The following AMBN variants were observed in gnomAD, a reference collection of about 807,000 sequenced individuals.
AMBN encodes the protein ameloblastin.
In AMBN, 54 loss-of-function variants were observed where a neutral mutation model predicts 48.0. That is an observed-to-expected ratio of 1.12 (90% CI 0.90 to 1.41). AMBN has a LOEUF of 1.41. Among genes scored for constraint, AMBN ranks in the 40% most tolerant of loss-of-function variants. The pLI is 0.00. For synonymous variants in AMBN, 186 were observed against 190.0 expected (o/e 0.98, Z 0.17); for missense variants, 571 against 547.3 (o/e 1.04, Z -0.43).
intron 1 of AMBN, 110 bp from the exon 2 acceptor site, chr4:70,593,217 C>A: frequency 4.0e-6 from 3 of 748,828 alleles, no homozygotes; most frequent in Middle Eastern, 2.6e-4. Context: ...AACCTTTATC[C>A]CGGTGGTTTT....
Position 70,601,655 on chromosome 4 carries a change from G to A in AMBN, c.531+1G>A, listed in dbSNP as rs1475241932. The A allele has an allele frequency of 1.9e-6, 3 of 1,613,308 alleles. No homozygotes were observed. Among genetic ancestry groups the A allele is most frequent in the South Asian group, 2.2e-5 (2 of 90,988 alleles). On this transcript the variant is annotated splice_donor_variant, in intron 6 of 12. Transcript: ENST00000322937. LOFTEE classifies it high-confidence loss of function. ...ATCAGATAAGCCACCAAAGCCTGAG[G>A]TACTTCCTTTCTCTTGAAGTCAGAT...
intron 2 of AMBN, among the ~76,000 whole-genome samples, chr4:70,596,732 AT>A (rs1737391726): frequency 6.6e-6 from 1 of 152,204 alleles, no homozygotes; most frequent in Non-Finnish European, 1.5e-5. Context: ...TTTAAATCAT[AT>A]TTTGCTTTTA....
At position 70,602,628 on chromosome 4, in the gene AMBN, CAGG is replaced by C. The variant is rs141384720; in HGVS notation, c.539_541del (p.Gly180del). On this transcript the variant is annotated inframe_deletion, in exon 7 of 13. Coordinates refer to ENST00000322937, the MANE Select transcript of AMBN (RefSeq NM_016519.6). ...TAATATTTATCTGTGATATAGCTCC[CAGG>C]AGTAGATTTTGCTGATCCACAAGGT... 107,371 of 1,568,758 alleles carry C rather than the reference CAGG, an allele frequency of 0.068. 4,446 individuals carry two copies. Among genetic ancestry groups the C allele is most frequent in the African/African-American group, 0.14 (10,237 of 73,456 alleles).
At chr4:70,600,540 T>A (rs1447055675) in intron 5 of AMBN, among the ~76,000 whole-genome samples, 1 of 152,146 alleles carries the variant, frequency 6.6e-6, no homozygotes, top group Non-Finnish European at 1.5e-5. Flanking sequence ...AATTGTGACA[T>A]GTGAGTAATG....
chr4:70,596,933 C>T lies in AMBN; in HGVS notation c.85-66C>T, dbSNP rs377158807. ...CCGTATGTACTGGAGCAATATCCTA[C>T]GCCCAATGGGCATTGAAGGAAGTTT... On this transcript the variant is annotated intron_variant, in intron 2 of 12. Coordinates refer to ENST00000322937, the MANE Select transcript of AMBN (RefSeq NM_016519.6). The T allele has an allele frequency of 1.3e-4, 191 of 1,433,138 alleles. 1 individual carries two copies. The highest frequency in any genetic ancestry group is 1.2e-3 in the South Asian group (102 of 83,960). 88.8% of individuals were successfully genotyped at this position (1,433,138 alleles called of 1,614,324 possible).
Position 70,606,738 on chromosome 4 carries a change from A to G in AMBN, c.*8A>G, listed in dbSNP as rs990097986. 5 of 1,601,316 alleles carry G rather than the reference A, an allele frequency of 3.1e-6. No individual in the cohort carries two copies. The African/African-American group carries it at 6.7e-5, about 21-fold the overall frequency. The stretch of plus-strand genomic sequence containing the variant: ...CATTTCCAAGAGCCCTGACAGCTCT[A>G]AGATATTAGCTACTTTCTGTATGCA... On this transcript the variant is annotated 3_prime_UTR_variant, in exon 13 of 13. Coordinates refer to ENST00000322937, the MANE Select transcript of AMBN (RefSeq NM_016519.6).
intron 2 of AMBN, among the ~76,000 whole-genome samples, chr4:70,593,975 C>T (rs1244201753): frequency 6.6e-6 from 1 of 151,674 alleles, no homozygotes; most frequent in Non-Finnish European, 1.5e-5. Flanking sequence ...AAGTTAAAAG[C>T]TTAGATAGTC....
chr4:70,593,702 TA>T (rs1737326499), intron 2 of AMBN, among the ~76,000 whole-genome samples: 2 of 151,972 alleles, frequency 1.3e-5, no homozygotes, highest in Non-Finnish European at 2.9e-5. Context: ...CTGTCTCTAC[TA>T]AAAATACAAA....
chr4:70,594,763 T>C (rs1737352277), intron 2 of AMBN, among the ~76,000 whole-genome samples: 1 of 152,206 alleles, frequency 6.6e-6, no homozygotes, highest in Non-Finnish European at 1.5e-5. Context: ...ACTATCAGTC[T>C]AACACATTGG....
At chr4:70,604,127 C>T (rs1243794451) in intron 12 of AMBN, among the ~76,000 whole-genome samples, 1 of 152,164 alleles carries the variant, frequency 6.6e-6, no homozygotes, top group Non-Finnish European at 1.5e-5. Flanking sequence ...TGGGTGATGA[C>T]TATTCTTGAG....
At position 70,599,580 on chromosome 4, in the gene AMBN, G is replaced by T. The variant is rs145190129; in HGVS notation, c.228G>T (p.Met76Ile). ...GAAAATCATTTAATTCTTTGTGGAT[G>T]CACGGTCTCCTCCCACCACATTCCT... ...GFGKSFNSLW[M>I]HGLLPPHSSL... The change falls in exon 5 of 13, where the codon ATG (methionine) becomes ATT (isoleucine). Residue 76 changes from methionine (M) to isoleucine (I), a missense_variant. Physicochemically the swap from Met to Ile is conservative, Grantham distance 10. Coordinates refer to ENST00000322937, the MANE Select transcript of AMBN (RefSeq NM_016519.6). The T allele has an allele frequency of 5.5e-4, 885 of 1,613,282 alleles. 1 individual carries two copies. The African/African-American group carries it at 0.011, about 19-fold the overall frequency.
At chr4:70,600,553 T>C (rs1737496496) in intron 5 of AMBN, among the ~76,000 whole-genome samples, 1 of 152,152 alleles carries the variant, frequency 6.6e-6, no homozygotes, top group Non-Finnish European at 1.5e-5. Context: ...GAGTAATGAA[T>C]ACTGCGTGAG....
intron 2 of AMBN, among the ~76,000 whole-genome samples, chr4:70,593,733 T>C (rs1737327603): frequency 6.6e-6 from 1 of 151,828 alleles, no homozygotes; most frequent in Non-Finnish European, 1.5e-5. Flanking sequence ...GGCGTGGTGG[T>C]GGGCACCTGT....
chr4:70,604,246 A>G (rs979452151), intron 12 of AMBN, among the ~76,000 whole-genome samples: 3 of 152,220 alleles, frequency 2.0e-5, no homozygotes, highest in African/African-American at 7.2e-5. Context: ...CGTGGTTCAT[A>G]CAGAGTTCTT....
chr4:70,597,359 A>G (rs1737409097), intron 3 of AMBN, among the ~76,000 whole-genome samples: 3 of 148,430 alleles, frequency 2.0e-5, no homozygotes, highest in Admixed American at 6.7e-5. Context: ...ATTGCTCCAT[A>G]CTCACAAATA....
Position 70,606,176 on chromosome 4 carries a change from T to C in AMBN, c.799-9T>C. The C allele has an allele frequency of 1.9e-6, 3 of 1,612,384 alleles. No homozygotes were observed. Among genetic ancestry groups the C allele is most frequent in the Non-Finnish European group, 2.5e-6 (3 of 1,178,870 alleles). ...TGATGGCATCTTTGACGAATGTTTT[T>C]TTTTCCAGGGCGGGAGAGAAGACCC... On this transcript the variant is annotated splice_polypyrimidine_tract_variant and intron_variant, in intron 12 of 12. Coordinates refer to ENST00000322937, the MANE Select transcript of AMBN (RefSeq NM_016519.6).
At chr4:70,592,738 C>G in intron 1 of AMBN, among the ~76,000 whole-genome samples, 1 of 151,876 alleles carries the variant, frequency 6.6e-6, no homozygotes, top group African/African-American at 2.4e-5. Flanking sequence ...AAGAGGAAAG[C>G]TAAATTTGAG....
chr4:70,606,590 A>G lies in AMBN; in HGVS notation c.1204A>G (p.Met402Val). 6.2e-7 allele frequency: 1 copy of G among 1,614,160 alleles called. No homozygotes were observed. The highest frequency in any genetic ancestry group is 8.5e-7 in the Non-Finnish European group (1 of 1,180,008). Residue 402 changes from methionine to valine, a missense_variant, in exon 13 of 13, where the codon ATG (methionine) becomes GTG (valine). Coordinates refer to ENST00000322937, the MANE Select transcript of AMBN (RefSeq NM_016519.6). ...ADVYRTYDAD[M>V]TTSVDFQEEA... ...TGTTTATAGGACCTACGATGCTGAC[A>G]TGACCACATCCGTGGATTTCCAGGA...
chr4:70,595,146 A>G (rs1170694002), intron 2 of AMBN, among the ~76,000 whole-genome samples: 2 of 148,232 alleles, frequency 1.3e-5, no homozygotes, highest in African/African-American at 5.0e-5. Context: ...CCTCTTTCCT[A>G]CCCAGAGTAT....
Sources: gnomAD v4.1 joint callset for allele counts (sites outside exome capture counted in the v4.1 genomes callset) on GRCh38, gnomAD v4.1.1 for gene constraint, MANE v1.5 for transcripts, NCBI Gene and HGNC (gene_info 2026-07-23, HGNC 2026-07-21) for gene names.